ZFPM2: variants seen among roughly 807,000 people sequenced by gnomAD.
ZFPM2 encodes zinc finger protein, FOG family member 2, also known as zinc finger protein ZFPM2.
Under a neutral mutation model 98.6 loss-of-function variants are expected in ZFPM2, and 20 were observed. The ratio of observed to expected loss-of-function variants is 0.20; its 90% confidence interval spans 0.14 to 0.29. The LOEUF is 0.29. ZFPM2 is among the 10% of genes least tolerant of loss of function. ZFPM2 has a pLI of 1.00. For synonymous variants in ZFPM2, 518 were observed against 502.7 expected, an observed-to-expected ratio of 1.03 and a Z score of -0.41; for missense variants, 1,310 against 1,388.6, an observed-to-expected ratio of 0.94 and a Z score of 0.90.
chr8:105,362,022 G>C (rs1451783628), intron 1 of ZFPM2, among the ~76,000 whole-genome samples: 4 of 152,036 alleles, frequency 2.6e-5, no homozygotes, highest in Admixed American at 2.6e-4. Flanking sequence ...GTATTTCTTA[G>C]AACGCATCTC....
intron 3 of ZFPM2, among the ~76,000 whole-genome samples, chr8:105,502,798 T>C (rs6981223): frequency 0.37 from 56,059 of 152,050 alleles, 12,218 homozygotes; most frequent in African/African-American, 0.62. Flanking sequence ...CAAGGAGATA[T>C]GGTCTAGACC....
chr8:105,474,351 C>T (rs1284906451), intron 3 of ZFPM2, among the ~76,000 whole-genome samples: 1 of 152,196 alleles, frequency 6.6e-6, no homozygotes, highest in East Asian at 1.9e-4. Context: ...AATCCAGCTA[C>T]AACTAGCTCT....
chr8:105,581,418 A>G (rs1422793906), intron 4 of ZFPM2, among the ~76,000 whole-genome samples: 1 of 152,138 alleles, frequency 6.6e-6, no homozygotes, highest in African/African-American at 2.4e-5. Flanking sequence ...GATATACTAA[A>G]GTTGGGCCCA....
At chr8:105,556,696 C>CCCCTTCCCTT (rs202163654) in intron 3 of ZFPM2, among the ~76,000 whole-genome samples, 22 of 121,478 alleles carry the variant, frequency 1.8e-4, no homozygotes, top group South Asian at 1.0e-3. Context: ...TTCCCCCTTC[C>CCCCTTCCCTT]CCCTTCCCTT....
chr8:105,627,965 C>A (rs1047278747), intron 4 of ZFPM2, among the ~76,000 whole-genome samples: 4 of 152,204 alleles, frequency 2.6e-5, no homozygotes, highest in Admixed American at 6.5e-5. Flanking sequence ...ATGCTAATCA[C>A]CACAAATATG....
chr8:105,608,580 G>GTGTT (rs550206961), intron 4 of ZFPM2, among the ~76,000 whole-genome samples: 1 of 108,748 alleles, frequency 9.2e-6, no homozygotes, highest in Non-Finnish European at 1.8e-5. Context: ...AACACCAAGA[G>GTGTT]TTTTTTTTTT....
intron 1 of ZFPM2, among the ~76,000 whole-genome samples, chr8:105,360,454 G>A (rs1306480717): frequency 1.3e-5 from 2 of 152,084 alleles, no homozygotes; most frequent in South Asian, 2.1e-4. Context: ...TAAAAGAATG[G>A]GGAACATACT....
chr8:105,332,422 T>A (rs1357409337), intron 1 of ZFPM2, among the ~76,000 whole-genome samples: 1 of 151,714 alleles, frequency 6.6e-6, no homozygotes, highest in African/African-American at 2.4e-5. Flanking sequence ...AATGAAAAAT[T>A]TTTTTAAAAA....
intron 3 of ZFPM2, among the ~76,000 whole-genome samples, chr8:105,485,852 C>T (rs1209601888): frequency 3.3e-5 from 5 of 152,092 alleles, no homozygotes; most frequent in Non-Finnish European, 7.4e-5. Flanking sequence ...GTCAAAATGA[C>T]AGGAGGAAAA....
At chr8:105,589,806 A>C (rs1307371219) in intron 4 of ZFPM2, among the ~76,000 whole-genome samples, 1 of 151,140 alleles carries the variant, frequency 6.6e-6, no homozygotes, top group Non-Finnish European at 1.5e-5. Flanking sequence ...GCAAGTTCCA[A>C]CTCCCCCCGG....
At chr8:105,412,683 T>C in intron 1 of ZFPM2, among the ~76,000 whole-genome samples, 1 of 151,822 alleles carries the variant, frequency 6.6e-6, no homozygotes. Context: ...TAGTATTTTT[T>C]TTTTAGACTA....
At chr8:105,380,794 T>A (rs1453913601) in intron 1 of ZFPM2, among the ~76,000 whole-genome samples, 7 of 9,742 alleles carry the variant, frequency 7.2e-4, no homozygotes, top group African/African-American at 2.1e-3. Flanking sequence ...TGTATATATA[T>A]TATATATGTT....
At chr8:105,702,049 G>T (rs1811152690) in intron 5 of ZFPM2, among the ~76,000 whole-genome samples, 4 of 152,106 alleles carry the variant, frequency 2.6e-5, no homozygotes, top group African/African-American at 9.7e-5. Context: ...AACAAAATTG[G>T]TTATCAAATC....
At chr8:105,790,747 G>C (rs1230693506) in intron 6 of ZFPM2, among the ~76,000 whole-genome samples, 1 of 152,122 alleles carries the variant, frequency 6.6e-6, no homozygotes, top group Non-Finnish European at 1.5e-5. Context: ...TCTTCCATTT[G>C]TTTGTATCCT....
At chr8:105,652,565 G>A (rs528643093) in intron 5 of ZFPM2, among the ~76,000 whole-genome samples, 2 of 152,032 alleles carry the variant, frequency 1.3e-5, no homozygotes, top group East Asian at 2.0e-4. Context: ...AATTAAGCCA[G>A]TTTTTCCTTT....
At chr8:105,482,889 C>CTTTA (rs1283851924) in intron 3 of ZFPM2, among the ~76,000 whole-genome samples, 1 of 150,766 alleles carries the variant, frequency 6.6e-6, no homozygotes, top group Non-Finnish European at 1.5e-5. Flanking sequence ...TTCCTTCCTT[C>CTTTA]CTTCCTTCCT....
At chr8:105,499,957 T>G (rs754339872) in intron 3 of ZFPM2, among the ~76,000 whole-genome samples, 7 of 152,178 alleles carry the variant, frequency 4.6e-5, no homozygotes, top group Non-Finnish European at 1.0e-4. Context: ...TAAAATGTAA[T>G]CATTTGCAAT....
intron 5 of ZFPM2, among the ~76,000 whole-genome samples, chr8:105,670,637 T>C (rs1554571564): frequency 6.6e-6 from 1 of 152,184 alleles, no homozygotes; most frequent in Non-Finnish European, 1.5e-5. Flanking sequence ...CTGTACATTT[T>C]ATACATTACC....
At chr8:105,678,185 T>C (rs1810512859) in intron 5 of ZFPM2, among the ~76,000 whole-genome samples, 1 of 152,194 alleles carries the variant, frequency 6.6e-6, no homozygotes, top group African/African-American at 2.4e-5. Context: ...GCAGTGTTTC[T>C]CAAGTAGAAC....
Sources: allele counts gnomAD v4.1 joint callset (sites outside exome capture counted in the v4.1 genomes callset), GRCh38; gene constraint gnomAD v4.1.1; transcripts MANE v1.5; gene names NCBI Gene and HGNC (gene_info 2026-07-23, HGNC 2026-07-21).